The following CAPS2 variants were observed in gnomAD, a reference collection of about 807,000 sequenced individuals.
CAPS2 encodes calcyphosin-2.
A neutral mutation model predicts 86.5 loss-of-function variants in CAPS2; 98 were observed. The observed-to-expected ratio is 1.13, with a 90% CI of 0.96 to 1.34. CAPS2 has a LOEUF of 1.34. Among genes scored for constraint, CAPS2 ranks in the 40% most tolerant of loss-of-function variants. The probability of loss-of-function intolerance (pLI) is 0.00; values close to 1 mark genes in which losing one functional copy is unlikely to be tolerated. For synonymous variants in CAPS2, 210 were observed against 225.1 expected (o/e 0.93, Z 0.60); for missense variants, 729 against 686.8 (o/e 1.06, Z -0.69).
exon 17 of CAPS2, chr12:75,278,686 A>G: frequency 2.4e-6 from 3 of 1,266,560 alleles, no homozygotes; most frequent in Non-Finnish European, 9.9e-7. Flanking sequence ...ACAAACACTA[A>G]CACACCCCTA....
At chr12:75,297,316 T>G (rs2037074883) in intron 11 of CAPS2, among the ~76,000 whole-genome samples, 1 of 152,210 alleles carries the variant, frequency 6.6e-6, no homozygotes, top group African/African-American at 2.4e-5. Context: ...GAGGCAGGCT[T>G]GAGTGTCATA....
intron 11 of CAPS2, among the ~76,000 whole-genome samples, chr12:75,296,995 C>T (rs939519717): frequency 6.6e-6 from 1 of 152,240 alleles, no homozygotes; most frequent in African/African-American, 2.4e-5. Context: ...GCTCCACACA[C>T]AGAGCATCAC....
At chr12:75,298,263 G>C (rs1479323125) in intron 11 of CAPS2, 1 of 162,984 alleles carries the variant, frequency 6.1e-6, no homozygotes, top group East Asian at 1.7e-4. Context: ...AAGGAAGATA[G>C]GCTATCCATC....
At chr12:75,289,497 T>A in intron 14 of CAPS2, 124 bp downstream of exon 14, 1 of 804,954 alleles carries the variant, frequency 1.2e-6, no homozygotes, top group Middle Eastern at 3.8e-4. Context: ...CCTGATAGCT[T>A]AACACTGATA....
intron 5 of CAPS2, among the ~76,000 whole-genome samples, chr12:75,320,548 C>T (rs80294010): frequency 7.2e-5 from 11 of 152,016 alleles, no homozygotes; most frequent in African/African-American, 2.6e-4. Flanking sequence ...ACTCTTTCAG[C>T]TAATCACTGT....
Position 75,298,801 on chromosome 12 carries a change from A to G in CAPS2, c.951-21T>C, listed in dbSNP as rs200532842. 31 of 1,607,642 alleles carry G rather than the reference A, an allele frequency of 1.9e-5. No homozygotes were observed. The African/African-American group carries it at 2.8e-4, about 15-fold the overall frequency. ...TTGTTCTAGAAAGTAAATGAAAAAA[A>G]AATGGAAAGTTATTTAGCTTCTCTC... On this transcript the variant is annotated intron_variant, in intron 10 of 16. Transcript: ENST00000393284.
intron 1 of CAPS2, among the ~76,000 whole-genome samples, chr12:75,389,586 A>G (rs916577657): frequency 6.6e-6 from 1 of 152,220 alleles, no homozygotes; most frequent in Admixed American, 6.5e-5. Context: ...AAAGAATTGC[A>G]TCTTTCAGCA....
intron 1 of CAPS2, among the ~76,000 whole-genome samples, chr12:75,384,107 C>T (rs1403169085): frequency 6.6e-6 from 1 of 150,842 alleles, no homozygotes; most frequent in Non-Finnish European, 1.5e-5. Context: ...CTGTTAGAAA[C>T]TAGAAAAAAA....
chr12:75,353,510 A>G (rs1375762793), intron 1 of CAPS2, among the ~76,000 whole-genome samples: 1 of 152,230 alleles, frequency 6.6e-6, no homozygotes, highest in Non-Finnish European at 1.5e-5. Flanking sequence ...TGAACAGCCT[A>G]TCAACCAAAA....
chr12:75,284,835 T>A (rs1296186616), intron 15 of CAPS2, 126 bp downstream of exon 15: 1 of 860,386 alleles, frequency 1.2e-6, no homozygotes, highest in African/African-American at 1.8e-5. Flanking sequence ...GTTTTCTGTT[T>A]TACTAAACCC....
intron 1 of CAPS2, among the ~76,000 whole-genome samples, chr12:75,338,361 C>G (rs1045169914): frequency 6.6e-6 from 1 of 152,056 alleles, no homozygotes; most frequent in African/African-American, 2.4e-5. Flanking sequence ...AATGAAAAAT[C>G]TGTGAGAAAT....
chr12:75,305,831 AC>A, intron 7 of CAPS2: 1 of 747,470 alleles, frequency 1.3e-6, no homozygotes. Flanking sequence ...ATTCAGGCTC[AC>A]CAGCCTCATC....
chr12:75,286,507 TTATATA>T (rs1414453745), intron 14 of CAPS2, among the ~76,000 whole-genome samples: 1 of 151,670 alleles, frequency 6.6e-6, no homozygotes, highest in East Asian at 1.9e-4. Flanking sequence ...ATATTTATAT[TTATATA>T]TACTTAAGAG....
chr12:75,355,948 A>G (rs887171744), intron 1 of CAPS2, among the ~76,000 whole-genome samples: 1 of 152,084 alleles, frequency 6.6e-6, no homozygotes, highest in African/African-American at 2.4e-5. Flanking sequence ...TGGCCACACA[A>G]AGGGTAACAA....
At chr12:75,323,734 ACT>A (rs368892987) in intron 2 of CAPS2, among the ~76,000 whole-genome samples, 134 of 152,282 alleles carry the variant, frequency 8.8e-4, no homozygotes, top group African/African-American at 2.9e-3. Flanking sequence ...CAAGAGTGAA[ACT>A]CTGTCTCAAA....
intron 8 of CAPS2, 81 bp from the exon 9 acceptor site, chr12:75,299,992 T>C (rs888802605): frequency 3.5e-6 from 2 of 566,342 alleles, no homozygotes; most frequent in Non-Finnish European, 6.1e-6. Flanking sequence ...AAAAAAGTTA[T>C]GTTAATATTT....
At chr12:75,361,564 C>T (rs1452438138) in intron 1 of CAPS2, among the ~76,000 whole-genome samples, 1 of 152,146 alleles carries the variant, frequency 6.6e-6, no homozygotes, top group Non-Finnish European at 1.5e-5. Context: ...CCTGTTTTAG[C>T]TGAGGAAAGA....
intron 1 of CAPS2, among the ~76,000 whole-genome samples, chr12:75,348,102 C>T (rs2139403060): frequency 6.6e-6 from 1 of 152,086 alleles, no homozygotes; most frequent in East Asian, 1.9e-4. Context: ...TGTAAAAGAA[C>T]ATACTTTTAA....
upstream of CAPS2, among the ~76,000 whole-genome samples, chr12:75,331,625 G>A (rs1014771266): frequency 2.0e-5 from 3 of 151,018 alleles, no homozygotes; most frequent in African/African-American, 7.3e-5. Context: ...GTGCAGTGGC[G>A]GGATCTCGGC....
Sources: gnomAD v4.1 joint callset for allele counts (sites outside exome capture counted in the v4.1 genomes callset) on GRCh38, gnomAD v4.1.1 for gene constraint, MANE v1.5 for transcripts, NCBI Gene and HGNC (gene_info 2026-07-23, HGNC 2026-07-21) for gene names.